WDR4: variants seen among roughly 807,000 people sequenced by gnomAD.
WDR4 encodes the protein WDR4 tRNA N7-guanosine methyltransferase non-catalytic subunit.
Under a neutral mutation model 48.6 loss-of-function variants are expected in WDR4, and 47 were observed. The ratio of observed to expected loss-of-function variants is 0.97; its 90% CI spans 0.77 to 1.23. WDR4 has a LOEUF of 1.23. Among genes scored for constraint, WDR4 ranks in the 50% most tolerant of loss-of-function variants. The pLI, the probability that WDR4 is intolerant of heterozygous loss-of-function variation, is 0.00. For synonymous variants in WDR4, 268 were observed against 230.0 expected, an observed-to-expected ratio of 1.17 and a Z score of -1.49; for missense variants, 606 against 551.6, an observed-to-expected ratio of 1.10 and a Z score of -0.99.
the WDR4 span, among the ~76,000 whole-genome samples, chr21:42,888,699 ATTTTT>A: frequency 7.1e-6 from 1 of 140,444 alleles, no homozygotes; most frequent in Non-Finnish European, 1.6e-5. Context: ...AAGGTTTATA[ATTTTT>A]TTTTTTTTTT....
At chr21:42,884,441 G>A (rs973739211), upstream of WDR4, among the ~76,000 whole-genome samples, 6 of 152,008 alleles carry the variant, frequency 3.9e-5, no homozygotes, top group African/African-American at 1.5e-4. Flanking sequence ...AAGGTCAGGA[G>A]TTCGAAATCA....
intron 6 of WDR4, among the ~76,000 whole-genome samples, chr21:42,856,071 A>G (rs930179884): frequency 1.3e-5 from 2 of 152,232 alleles, no homozygotes; most frequent in Non-Finnish European, 2.9e-5. Context: ...AGGCCGCTAG[A>G]TGGCCAGGTT....
intron 6 of WDR4, 104 bp downstream of exon 6, chr21:42,859,558 C>CCAGGGGCCGGCGATCCA (rs2058067959): frequency 6.1e-6 from 5 of 820,504 alleles, no homozygotes; most frequent in African/African-American, 2.0e-5. Context: ...CCACAGCCAG[C>CCAGGGGCCGGCGATCCA]CAGGGGCCAG....
intron 10 of WDR4, 119 bp from the exon 11 acceptor site, chr21:42,850,361 T>G: frequency 2.2e-6 from 2 of 923,358 alleles, no homozygotes; most frequent in South Asian, 3.9e-5. Flanking sequence ...CGGTGGACCG[T>G]GGGGGGCGCC....
chr21:42,854,603 T>G lies in WDR4; in HGVS notation c.750A>C (p.Ala250=), dbSNP rs778707578. 1.2e-6 allele frequency: 2 copies of G among 1,613,826 alleles called. No homozygotes were observed. Among genetic ancestry groups the G allele is most frequent in the African/African-American group, 1.3e-5 (1 of 75,040 alleles). ...APQKFAASRI[A]FWCQENCVAL... is the part of the protein sequence containing the mutation. ...CCACGCAGTTCTCCTGGCACCAGAATGCAATCCTGGACGCGGCAAACTTCT... is the reference window on the plus strand; with the variant it reads ...CCACGCAGTTCTCCTGGCACCAGAAGGCAATCCTGGACGCGGCAAACTTCT... Residue 250 remains alanine (A), a synonymous_variant, in exon 8 of 11, where the codon GCA becomes GCC. Transcript: ENST00000398208.
At chr21:42,883,979 C>T (rs1346548418), upstream of WDR4, among the ~76,000 whole-genome samples, 1 of 152,206 alleles carries the variant, frequency 6.6e-6, no homozygotes, top group Admixed American at 6.5e-5. Flanking sequence ...CCATAAACCC[C>T]TGGTAACCAT....
the WDR4 span, among the ~76,000 whole-genome samples, chr21:42,885,632 A>C: frequency 6.6e-6 from 1 of 152,134 alleles, no homozygotes; most frequent in Non-Finnish European, 1.5e-5. Context: ...AGATAGATAG[A>C]TATAAATTAG....
chr21:42,877,603 C>A (rs1032792895), intron 1 of WDR4, among the ~76,000 whole-genome samples: 3 of 151,494 alleles, frequency 2.0e-5, no homozygotes, highest in Non-Finnish European at 4.4e-5. Context: ...AGTTAACAAA[C>A]TTTATTTGCT....
At chr21:42,857,318 C>T (rs1449354155) in intron 6 of WDR4, among the ~76,000 whole-genome samples, 1 of 152,126 alleles carries the variant, frequency 6.6e-6, no homozygotes. Flanking sequence ...ACACTGACCA[C>T]CCAGAAGAGA....
At chr21:42,871,741 G>A (rs891295003) in intron 3 of WDR4, among the ~76,000 whole-genome samples, 5 of 152,158 alleles carry the variant, frequency 3.3e-5, no homozygotes, top group African/African-American at 4.8e-5. Flanking sequence ...GGAGACTGAC[G>A]CATACTCTTT....
intron 3 of WDR4, among the ~76,000 whole-genome samples, chr21:42,870,005 C>T (rs1601165579): frequency 7.2e-6 from 1 of 139,166 alleles, no homozygotes; most frequent in East Asian, 2.1e-4. Flanking sequence ...AACAGCGAAA[C>T]TCCATCTCAA....
chr21:42,853,495 C>T (rs1186623617), intron 9 of WDR4, 74 bp downstream of exon 9: 23 of 1,495,686 alleles, frequency 1.5e-5, no homozygotes, highest in Non-Finnish European at 2.1e-5. Context: ...ACCCAAAAAA[C>T]ATAGCTGCCG....
At chr21:42,861,805 T>G (rs940371421) in intron 5 of WDR4, among the ~76,000 whole-genome samples, 1 of 152,268 alleles carries the variant, frequency 6.6e-6, no homozygotes, top group South Asian at 2.1e-4. Flanking sequence ...ATGAGCTTTT[T>G]GTGTGAGACA....
At position 42,856,448 on chromosome 21, in the gene WDR4, C is replaced by T. The variant is rs146463297; in HGVS notation, c.628-668G>A. 3.9e-3 allele frequency among the ~76,000 whole-genome samples: 597 copies of T among 152,236 alleles called. 4 individuals carry two copies. Among genetic ancestry groups the T allele is most frequent in the African/African-American group, 0.013 (542 of 41,542 alleles). ...CTATTCCACACTGCCCACTGCACTG[C>T]AGTGGCTATTCACAGGCTTGCTCCT... On this transcript the variant is annotated intron_variant, in intron 6 of 10. Coordinates refer to ENST00000398208, the MANE Select transcript of WDR4 (RefSeq NM_018669.6).
rs371624884 is a variant in WDR4, at chr21:42,878,130, T to G, written c.89+1277A>C. Among the ~76,000 whole-genome samples the G allele has an allele frequency of 1.4e-4, 22 of 152,204 alleles. 1 individual carries two copies. The South Asian group carries it at 2.1e-3, about 14-fold the overall frequency. On this transcript the variant is annotated intron_variant, in intron 1 of 10. Transcript: ENST00000398208. ...CTGTATACAAATTTCAAAGAGCCAT[T>G]ACTATTTAGAAACATATCTCACCTA...
chr21:42,847,037 CAA>C (rs10709007), downstream of WDR4, among the ~76,000 whole-genome samples: 2 of 148,940 alleles, frequency 1.3e-5, no homozygotes. Flanking sequence ...GACTCTGTCT[CAA>C]AAAAAAAAAC....
At chr21:42,892,225 G>GC in the WDR4 span, among the ~76,000 whole-genome samples, 8 of 149,446 alleles carry the variant, frequency 5.4e-5, no homozygotes, top group African/African-American at 7.4e-5. Context: ...CTGCACGCCA[G>GC]CCTGGGCTAC....
chr21:42,874,271 T>C (rs1016495099), intron 2 of WDR4, among the ~76,000 whole-genome samples: 1 of 152,232 alleles, frequency 6.6e-6, no homozygotes, highest in Non-Finnish European at 1.5e-5. Context: ...CCCCAGTCAA[T>C]ACCCTTGTGA....
chr21:42,874,273 C>T (rs2058437681), intron 2 of WDR4, among the ~76,000 whole-genome samples: 1 of 152,174 alleles, frequency 6.6e-6, no homozygotes, highest in African/African-American at 2.4e-5. Flanking sequence ...CCAGTCAATA[C>T]CCTTGTGATT....
Sources: allele counts gnomAD v4.1 joint callset (sites outside exome capture counted in the v4.1 genomes callset), GRCh38; gene constraint gnomAD v4.1.1; transcripts MANE v1.5; gene names NCBI Gene and HGNC (gene_info 2026-07-23, HGNC 2026-07-21).